Variants in TBC1D22A observed in about 807,000 individuals in gnomAD.
TBC1D22A encodes the protein TBC1 domain family member 22A, also known as putative GTPase activator.
A neutral mutation model predicts 60.2 loss-of-function variants in TBC1D22A; 38 were observed. That is an observed-to-expected ratio of 0.63 (90% CI 0.49 to 0.83). The LOEUF (loss-of-function observed/expected upper bound fraction) is 0.83. Ranked by LOEUF, TBC1D22A falls within the 40% of genes least tolerant of loss-of-function variation. The probability of loss-of-function intolerance (pLI) is 0.00; values close to 1 mark genes in which losing one functional copy is unlikely to be tolerated. For synonymous variants in TBC1D22A, 302 were observed against 281.7 expected (o/e 1.07, Z -0.72); for missense variants, 628 against 701.0 (o/e 0.90, Z 1.18).
intron 2 of TBC1D22A, among the ~76,000 whole-genome samples, chr22:46,793,135 C>G (rs1037790053): frequency 6.6e-6 from 1 of 152,252 alleles, no homozygotes; most frequent in Admixed American, 6.5e-5. Flanking sequence ...GGCCTGCACC[C>G]TGCACAGGCG....
intron 8 of TBC1D22A, among the ~76,000 whole-genome samples, chr22:46,924,942 G>C (rs1490391314): frequency 6.6e-6 from 1 of 152,156 alleles, no homozygotes; most frequent in Non-Finnish European, 1.5e-5. Flanking sequence ...GGACACATGA[G>C]AGGATGAACG....
At chr22:47,038,791 C>T (rs577434603) in intron 11 of TBC1D22A, among the ~76,000 whole-genome samples, 14 of 152,248 alleles carry the variant, frequency 9.2e-5, no homozygotes, top group East Asian at 3.9e-4. Flanking sequence ...CATTCGTGTC[C>T]GCGACTTGGG....
At chr22:47,113,816 G>A (rs957064601) in intron 12 of TBC1D22A, among the ~76,000 whole-genome samples, 5 of 152,278 alleles carry the variant, frequency 3.3e-5, no homozygotes, top group Middle Eastern at 3.4e-3. Flanking sequence ...CAGGCCATGA[G>A]CCCCTCAGGG....
intron 11 of TBC1D22A, among the ~76,000 whole-genome samples, chr22:47,058,350 T>G (rs1353681781): frequency 6.6e-6 from 1 of 152,066 alleles, no homozygotes; most frequent in East Asian, 1.9e-4. Context: ...CAGCTTATGA[T>G]TCCACCCGCC....
chr22:46,955,735 A>T (rs1241711812), intron 8 of TBC1D22A, among the ~76,000 whole-genome samples: 2 of 152,226 alleles, frequency 1.3e-5, no homozygotes, highest in Admixed American at 1.3e-4. Flanking sequence ...ATTAAAAAAG[A>T]TAATACTCAG....
At chr22:47,014,707 C>T (rs1039088035) in intron 10 of TBC1D22A, among the ~76,000 whole-genome samples, 1 of 152,102 alleles carries the variant, frequency 6.6e-6, no homozygotes, top group Non-Finnish European at 1.5e-5. Flanking sequence ...AACTTGGAGT[C>T]AGGATTGGAG....
At chr22:47,097,356 C>G (rs1245339236) in intron 11 of TBC1D22A, among the ~76,000 whole-genome samples, 1 of 152,172 alleles carries the variant, frequency 6.6e-6, no homozygotes, top group Non-Finnish European at 1.5e-5. Flanking sequence ...TGACTCATGC[C>G]TGTAATCCCA....
At chr22:46,991,963 G>C (rs1487167752) in intron 9 of TBC1D22A, among the ~76,000 whole-genome samples, 1 of 152,208 alleles carries the variant, frequency 6.6e-6, no homozygotes, top group East Asian at 1.9e-4. Context: ...TCCAGGACCA[G>C]CCCTGGTTCT....
intron 9 of TBC1D22A, among the ~76,000 whole-genome samples, chr22:46,983,695 G>GTT (rs556363610): frequency 7.0e-6 from 1 of 142,790 alleles, no homozygotes; most frequent in African/African-American, 2.6e-5. Flanking sequence ...AGAAGACCAG[G>GTT]TTTTTTTTTT....
chr22:47,132,150 TACCTTTAGGACCCC>T (rs2066700486), intron 12 of TBC1D22A, among the ~76,000 whole-genome samples: 1 of 152,136 alleles, frequency 6.6e-6, no homozygotes, highest in African/African-American at 2.4e-5. Flanking sequence ...TTTAGGAGCC[TACCTTTAGGACCCC>T]ACCTTTAGGA....
intron 11 of TBC1D22A, among the ~76,000 whole-genome samples, chr22:47,045,771 A>G (rs1467430777): frequency 6.6e-6 from 1 of 152,132 alleles, no homozygotes; most frequent in African/African-American, 2.4e-5. Context: ...AACCACAGCA[A>G]CCTGTGAGTG....
intron 8 of TBC1D22A, among the ~76,000 whole-genome samples, chr22:46,934,051 CATCTTT>C (rs145660147): frequency 6.6e-6 from 1 of 152,256 alleles, no homozygotes; most frequent in Non-Finnish European, 1.5e-5. Context: ...CTTTTCTTGC[CATCTTT>C]ATCTTCTCGA....
intron 7 of TBC1D22A, among the ~76,000 whole-genome samples, chr22:46,902,822 A>G (rs1165855386): frequency 6.7e-6 from 1 of 150,232 alleles, no homozygotes; most frequent in East Asian, 1.9e-4. Flanking sequence ...ACGAAGACTC[A>G]GATGTCTCTG....
At chr22:47,059,414 G>T (rs1476590764) in intron 11 of TBC1D22A, among the ~76,000 whole-genome samples, 1 of 152,252 alleles carries the variant, frequency 6.6e-6, no homozygotes, top group Non-Finnish European at 1.5e-5. Flanking sequence ...TCACTTTTCA[G>T]AAGCCATAGC....
chr22:46,848,071 CTA>C (rs1569125919), intron 4 of TBC1D22A, among the ~76,000 whole-genome samples: 1 of 152,170 alleles, frequency 6.6e-6, no homozygotes. Flanking sequence ...GGTTGGGAAA[CTA>C]TTAAATAGTT....
At chr22:47,161,930 G>C (rs759502372) in intron 12 of TBC1D22A, among the ~76,000 whole-genome samples, 48 of 152,366 alleles carry the variant, frequency 3.2e-4, no homozygotes, top group Non-Finnish European at 5.9e-4. Context: ...GTGGTAGCAA[G>C]CCCCGTCTTC....
chr22:47,120,399 C>T (rs1263302708), intron 12 of TBC1D22A, among the ~76,000 whole-genome samples: 1 of 152,234 alleles, frequency 6.6e-6, no homozygotes, highest in Non-Finnish European at 1.5e-5. Flanking sequence ...TCCTTGTCCT[C>T]TCCCCATACA....
chr22:47,043,070 A>G (rs916256117), intron 11 of TBC1D22A, among the ~76,000 whole-genome samples: 18 of 152,216 alleles, frequency 1.2e-4, no homozygotes, highest in Non-Finnish European at 1.9e-4. Context: ...AGGCATAGCA[A>G]CGGGAAAGGT....
At chr22:46,952,092 C>T (rs1376981164) in intron 8 of TBC1D22A, among the ~76,000 whole-genome samples, 1 of 152,218 alleles carries the variant, frequency 6.6e-6, no homozygotes, top group Non-Finnish European at 1.5e-5. Flanking sequence ...GGCCAGGCAC[C>T]CTTGGCAAGC....
Sources: allele counts gnomAD v4.1 joint callset (sites outside exome capture counted in the v4.1 genomes callset), GRCh38; gene constraint gnomAD v4.1.1; transcripts MANE v1.5; gene names NCBI Gene and HGNC (gene_info 2026-07-23, HGNC 2026-07-21).